The following LRCH3 variants were observed in gnomAD, a reference collection of about 807,000 sequenced individuals.
LRCH3 encodes leucine rich repeats and calponin homology domain containing 3, also known as DISP complex protein LRCH3.
A neutral mutation model predicts 104.5 loss-of-function variants in LRCH3; 68 were observed. The ratio of observed to expected loss-of-function variants is 0.65; its 90% CI spans 0.54 to 0.80. The LOEUF (loss-of-function observed/expected upper bound fraction) is 0.80. Among genes scored for constraint, LRCH3 ranks in the 30% least tolerant of loss-of-function variants. LRCH3 has a pLI of 0.00. For missense variants in LRCH3, 951 were observed against 953.9 expected (o/e 1.00, Z 0.04); for synonymous variants, 344 against 361.3 (o/e 0.95, Z 0.54).
chr3:197,879,386 C>G (rs796942633), intron 20 of LRCH3, among the ~76,000 whole-genome samples: 201 of 152,278 alleles, frequency 1.3e-3, no homozygotes, highest in African/African-American at 4.6e-3. Context: ...GTGGCTCACG[C>G]CTGTAATCCC....
intron 19 of LRCH3, among the ~76,000 whole-genome samples, chr3:197,871,943 C>T (rs906086236): frequency 2.0e-5 from 3 of 152,046 alleles, no homozygotes; most frequent in African/African-American, 4.8e-5. Flanking sequence ...AGGCTAGAGA[C>T]GTGAGCTGGG....
intron 10 of LRCH3, among the ~76,000 whole-genome samples, chr3:197,844,997 T>C (rs1738431897): frequency 6.6e-6 from 1 of 152,102 alleles, no homozygotes; most frequent in Admixed American, 6.6e-5. Flanking sequence ...ATTGACAGAC[T>C]TGTGAGGTGA....
intron 5 of LRCH3, among the ~76,000 whole-genome samples, chr3:197,828,431 C>T (rs1485016506): frequency 9.9e-5 from 15 of 151,948 alleles, no homozygotes; most frequent in East Asian, 5.9e-4. Context: ...CTGCAAGCTC[C>T]GCCTCCCGGG....
rs762881359 is a variant in LRCH3 at position 197,883,245 on chromosome 3, T to C, written c.2209-296T>C. 5 of 1,085,978 alleles carry C rather than the reference T, an allele frequency of 4.6e-6. No individual in the cohort carries two copies. The highest frequency in any genetic ancestry group is 5.6e-6 in the Non-Finnish European group (5 of 893,558). The allele number at this position is 1,085,978 out of a possible 1,614,324, so 67.3% of individuals were successfully genotyped here. ...ATTCATCAGGGATAAAGGATGTTGC[T>C]TTCACCCTGCGGTATTGTTTTCCCT... On this transcript the variant is annotated intron_variant, in intron 20 of 20. Coordinates refer to ENST00000425562, the MANE Select transcript of LRCH3 (RefSeq NM_001365715.1). This position sits in a 1 kb window ranked among gnomAD's most constrained non-coding sequence, Gnocchi z 4.2.
chr3:197,808,231 C>T (rs1732715980), intron 1 of LRCH3, among the ~76,000 whole-genome samples: 1 of 152,190 alleles, frequency 6.6e-6, no homozygotes, highest in Non-Finnish European at 1.5e-5. Flanking sequence ...GATATGAAGA[C>T]TCAGAGAGAA....
chr3:197,805,921 T>C (rs867303920), intron 1 of LRCH3, among the ~76,000 whole-genome samples: 2 of 152,072 alleles, frequency 1.3e-5, no homozygotes, highest in Non-Finnish European at 1.5e-5. Context: ...ATGGGTTTTT[T>C]TTGTTTTTGT....
At chr3:197,824,837 TG>T (rs1734961276) in intron 4 of LRCH3, among the ~76,000 whole-genome samples, 1 of 151,998 alleles carries the variant, frequency 6.6e-6, no homozygotes, top group Non-Finnish European at 1.5e-5. Flanking sequence ...CCCAAAGTGC[TG>T]GGATTACAGG....
Position 197,791,321 on chromosome 3 carries a change from T to A in LRCH3, c.43T>A (p.Tyr15Asn). The change falls in exon 1 of 21, where the codon TAC (tyrosine) becomes AAC (asparagine). Residue 15 changes from tyrosine to asparagine, a missense_variant. Physicochemically the swap from Tyr to Asn is moderately radical, Grantham distance 143. Transcript: ENST00000425562. ...GLVAVAAAAE[Y>N]SGTVASGGNL... ...GGTCGCTGTGGCAGCGGCTGCCGAGTACTCTGGCACGGTAGCGTCGGGAGG... is the reference window on the plus strand; with the variant it reads ...GGTCGCTGTGGCAGCGGCTGCCGAGAACTCTGGCACGGTAGCGTCGGGAGG... 6.2e-7 allele frequency: 1 copy of A among 1,609,342 alleles called. No individual in the cohort carries two copies. Among genetic ancestry groups the A allele is most frequent in the Non-Finnish European group, 8.5e-7 (1 of 1,178,860 alleles).
At position 197,835,749 on chromosome 3, in the gene LRCH3, C is replaced by G; in HGVS notation, c.1178C>G (p.Pro393Arg). The G allele has an allele frequency of 6.2e-7, 1 of 1,613,830 alleles. No homozygotes were observed. Among genetic ancestry groups the G allele is most frequent in the African/African-American group, 1.3e-5 (1 of 74,910 alleles). The part of the protein sequence containing the change: ...AEEEEAEVRQ[P>R]KGPDPDSLSS... ...GAAGAGGAGGCCGAGGTGAGACAGC[C>G]CAAGGGACCAGACCCAGACAGCCTT... is the stretch of plus-strand genomic sequence containing the variant. The change falls in exon 9 of 21, where the codon CCC becomes CGC. Residue 393 changes from proline to arginine, a missense_variant. Transcript: ENST00000425562.
rs1553916540 is a variant in LRCH3 at position 197,817,360 on chromosome 3, G to GTATATAGTGTATA, written c.534+64_534+65insGTGTATATATATA. 65 of 90,048 alleles carry GTATATAGTGTATA rather than the reference G, an allele frequency of 7.2e-4. 3 individuals carry two copies. The highest frequency in any genetic ancestry group is 5.5e-3 in the African/African-American group (64 of 11,738). 5.6% of individuals were successfully genotyped at this position (90,048 alleles called of 1,614,324 possible). On this transcript the variant is annotated intron_variant, in intron 3 of 20. Coordinates refer to ENST00000425562, the MANE Select transcript of LRCH3 (RefSeq NM_001365715.1). Reference sequence around the variant, plus strand: ...TGTGTGTGTGTCTGTGTGTGTGTGTGTATATATATATATATATATGAAACC... The same window carrying GTATATAGTGTATA: ...TGTGTGTGTGTCTGTGTGTGTGTGTGTATATAGTGTATATATATATATATATATATATGAAACC...
chr3:197,808,734 G>A (rs986038580), intron 1 of LRCH3, among the ~76,000 whole-genome samples: 6 of 151,934 alleles, frequency 3.9e-5, no homozygotes, highest in South Asian at 2.1e-4. Flanking sequence ...GCAATGTGGC[G>A]AAACCCCATC....
In LRCH3 at chr3:197,839,888, G is replaced by A. The variant is rs187484762; in HGVS notation, c.1328+491G>A. Among the ~76,000 whole-genome samples, 10 of 151,550 alleles carry A rather than the reference G, an allele frequency of 6.6e-5. No individual in the cohort carries two copies. In the South Asian group the frequency reaches 1.0e-3, roughly 16 times the overall value. On this transcript the variant is annotated intron_variant, in intron 10 of 20. Coordinates refer to ENST00000425562, the MANE Select transcript of LRCH3 (RefSeq NM_001365715.1). ...ACTCAGAGGCTGAGGTGGGAGGATCGCTCGAACTGGGAGGGTGAGACTGCA... is the reference window on the plus strand; with the variant it reads ...ACTCAGAGGCTGAGGTGGGAGGATCACTCGAACTGGGAGGGTGAGACTGCA...
chr3:197,852,757 T>A, intron 13 of LRCH3, 137 bp downstream of exon 13: 1 of 849,360 alleles, frequency 1.2e-6, no homozygotes, highest in Non-Finnish European at 1.9e-6. Context: ...ATTCTCCTTA[T>A]GAGGGAGATG....
chr3:197,883,199 AT>A lies in LRCH3; in HGVS notation c.2209-341del. 1.8e-5 allele frequency: 18 copies of A among 999,138 alleles called. No individual in the cohort carries two copies. Among genetic ancestry groups the A allele is most frequent in the Non-Finnish European group, 2.1e-5 (18 of 839,272 alleles). The allele number at this position is 999,138 out of a possible 1,614,324, so 61.9% of individuals were successfully genotyped here. On this transcript the variant is annotated intron_variant, in intron 20 of 20. Transcript: ENST00000425562. The surrounding 1 kb of genome is among the most constrained non-coding windows in gnomAD (Gnocchi z 4.2). The stretch of plus-strand genomic sequence containing the variant: ...TTTCTATTTTTCACCTGCCTATTTT[AT>A]AGACCTGTATTGACCTTTTATTCAT...
At chr3:197,863,382 C>T (rs56135048) in intron 15 of LRCH3, among the ~76,000 whole-genome samples, 197 of 152,304 alleles carry the variant, frequency 1.3e-3, no homozygotes, top group African/African-American at 4.7e-3. Flanking sequence ...CTGCCTCAGC[C>T]TCCCAAGTAG....
Position 197,835,733 on chromosome 3 carries a change from G to T in LRCH3, c.1162G>T (p.Ala388Ser). 1 of 1,613,990 alleles carries T rather than the reference G, an allele frequency of 6.2e-7. No homozygotes were observed. Among genetic ancestry groups the T allele is most frequent in the South Asian group, 1.1e-5 (1 of 91,072 alleles). The change falls in exon 9 of 21, where the codon GCC (alanine) becomes TCC (serine). Residue 388 changes from alanine to serine, a missense_variant. By Grantham distance (99) the Ala-to-Ser change is moderately conservative. Transcript: ENST00000425562. ...IDSCTAEEEE[A>S]EVRQPKGPDP... ...CAGCTGCACCGCAGAGGAAGAGGAG[G>T]CCGAGGTGAGACAGCCCAAGGGACC... is the stretch of plus-strand genomic sequence containing the variant.
chr3:197,797,104 G>A (rs966121178), intron 1 of LRCH3, among the ~76,000 whole-genome samples: 1 of 150,738 alleles, frequency 6.6e-6, no homozygotes, highest in African/African-American at 2.4e-5. Flanking sequence ...GAGGCGGGCA[G>A]ATCACCCGAT....
intron 20 of LRCH3, chr3:197,880,925 C>G (rs978972686): frequency 2.1e-6 from 3 of 1,412,944 alleles, no homozygotes; most frequent in Admixed American, 5.9e-5. Context: ...GAGTAAAAGA[C>G]CAGCATTTTT....
At chr3:197,809,279 C>G (rs1051504300) in intron 1 of LRCH3, among the ~76,000 whole-genome samples, 7 of 150,980 alleles carry the variant, frequency 4.6e-5, no homozygotes, top group Admixed American at 6.6e-5. Flanking sequence ...GCTGGGGTAA[C>G]AGAGTGAGAC....
Sources: gnomAD v4.1 joint callset for allele counts (sites outside exome capture counted in the v4.1 genomes callset) on GRCh38, gnomAD v4.1.1 for gene constraint, Gnocchi (gnomAD v3.1) non-coding constraint, MANE v1.5 for transcripts, NCBI Gene and HGNC (gene_info 2026-07-23, HGNC 2026-07-21) for gene names.